DCDC2: variants seen among roughly 807,000 people sequenced by gnomAD.
DCDC2 encodes the protein doublecortin domain-containing protein 2.
DCDC2 carries 40 observed loss-of-function variants against 50.2 expected under a neutral mutation model. The observed-to-expected ratio is 0.80, with a 90% confidence interval of 0.62 to 1.04. The LOEUF (loss-of-function observed/expected upper bound fraction) is 1.04. Ranked by LOEUF, DCDC2 falls within the 50% of genes least tolerant of loss-of-function variation. DCDC2 has a pLI of 0.00. For missense variants in DCDC2, 570 were observed against 581.9 expected, an observed-to-expected ratio of 0.98 and a Z score of 0.21; for synonymous variants, 234 against 210.6, an observed-to-expected ratio of 1.11 and a Z score of -0.96.
intron 7 of DCDC2, among the ~76,000 whole-genome samples, chr6:24,229,701 C>CACTT (rs1327127944): frequency 1.3e-5 from 2 of 152,146 alleles, no homozygotes; most frequent in African/African-American, 4.8e-5. Context: ...TTTAAAAATC[C>CACTT]TCAACACTTA....
chr6:24,261,588 G>C (rs2113806535), intron 7 of DCDC2, among the ~76,000 whole-genome samples: 1 of 152,146 alleles, frequency 6.6e-6, no homozygotes, highest in South Asian at 2.1e-4. Flanking sequence ...GTGTTTCATG[G>C]GCTCTGAGAG....
At chr6:24,269,638 A>C (rs1763195767) in intron 7 of DCDC2, among the ~76,000 whole-genome samples, 1 of 152,166 alleles carries the variant, frequency 6.6e-6, no homozygotes, top group Admixed American at 6.5e-5. Context: ...TAAGTCTAGA[A>C]AGTCATGAAA....
chr6:24,344,354 C>T (rs1445392590), intron 2 of DCDC2, among the ~76,000 whole-genome samples: 4 of 152,148 alleles, frequency 2.6e-5, no homozygotes, highest in Admixed American at 2.6e-4. Flanking sequence ...TATTACTTTT[C>T]CTATTTTTTT....
At chr6:24,194,087 G>A (rs1761370240) in intron 8 of DCDC2, among the ~76,000 whole-genome samples, 1 of 152,054 alleles carries the variant, frequency 6.6e-6, no homozygotes. Context: ...TATTAAAATG[G>A]GAGAGGGGAT....
At chr6:24,383,136 G>A in the DCDC2 span, among the ~76,000 whole-genome samples, 1 of 152,144 alleles carries the variant, frequency 6.6e-6, no homozygotes, top group South Asian at 2.1e-4. Context: ...AGACCAGCCT[G>A]ACCAACATGG....
Position 24,301,970 on chromosome 6 carries a change from G to A in DCDC2, c.423C>T (p.Ile141=). ...FRKPLQEPCT[I]FLIANGDLIN... Reference sequence around the variant, plus strand: ...AAGTATAAAGGGTTTCAACTTACAAGATAGTGCACGGCTCCTGAAGCGGTT... The same window carrying A: ...AAGTATAAAGGGTTTCAACTTACAAAATAGTGCACGGCTCCTGAAGCGGTT... Residue 141 remains isoleucine, a splice_region_variant and synonymous_variant, in exon 3 of 10, where the codon ATC becomes ATT. Transcript: ENST00000378454. 1 of 1,613,882 alleles carries A rather than the reference G, an allele frequency of 6.2e-7. No homozygotes were observed. The highest frequency in any genetic ancestry group is 8.5e-7 in the Non-Finnish European group (1 of 1,179,926).
chr6:24,330,517 C>G (rs1186187871), intron 2 of DCDC2, among the ~76,000 whole-genome samples: 1 of 152,178 alleles, frequency 6.6e-6, no homozygotes, highest in Non-Finnish European at 1.5e-5. Context: ...CTAAAACTAT[C>G]AGAAAACCTT....
chr6:24,239,045 T>C (rs1561902566), intron 7 of DCDC2, among the ~76,000 whole-genome samples: 2 of 152,240 alleles, frequency 1.3e-5, no homozygotes, highest in Admixed American at 1.3e-4. Context: ...TAGGTTGCCA[T>C]ACTTCCCAAA....
chr6:24,322,330 C>T (rs1759787161), intron 2 of DCDC2, among the ~76,000 whole-genome samples: 1 of 152,000 alleles, frequency 6.6e-6, no homozygotes, highest in Non-Finnish European at 1.5e-5. Context: ...CCTTGCATAT[C>T]GTGACTTACT....
At chr6:24,207,731 A>G (rs1761754116) in intron 7 of DCDC2, among the ~76,000 whole-genome samples, 1 of 152,106 alleles carries the variant, frequency 6.6e-6, no homozygotes, top group African/African-American at 2.4e-5. Context: ...GTCCTCAGTT[A>G]ATATTTATTA....
chr6:24,379,892 G>A, the DCDC2 span, among the ~76,000 whole-genome samples: 2 of 152,058 alleles, frequency 1.3e-5, no homozygotes, highest in African/African-American at 4.8e-5. Flanking sequence ...CCTTTGCAGA[G>A]ACATGGATAA....
chr6:24,357,374 G>C (rs1760491281), intron 1 of DCDC2, 84 bp downstream of exon 1: 3 of 1,447,050 alleles, frequency 2.1e-6, no homozygotes, highest in Admixed American at 2.3e-5. Flanking sequence ...CTGAGGTGTG[G>C]GGGGGTAGGG....
chr6:24,241,452 T>C (rs1431932178), intron 7 of DCDC2, among the ~76,000 whole-genome samples: 1 of 152,206 alleles, frequency 6.6e-6, no homozygotes, highest in Non-Finnish European at 1.5e-5. Flanking sequence ...CTAGTATTGT[T>C]ACAGGAAGGT....
intron 2 of DCDC2, among the ~76,000 whole-genome samples, chr6:24,339,738 C>G (rs1239911634): frequency 6.6e-6 from 1 of 152,072 alleles, no homozygotes; most frequent in African/African-American, 2.4e-5. Context: ...TTACATGGTG[C>G]CTGGGACACA....
chr6:24,203,480 T>C (rs1382374809), intron 8 of DCDC2, among the ~76,000 whole-genome samples: 1 of 152,052 alleles, frequency 6.6e-6, no homozygotes, highest in African/African-American at 2.4e-5. Flanking sequence ...TATAGAAAAA[T>C]TAACTTAAGA....
chr6:24,348,884 T>C (rs1413482166), intron 2 of DCDC2, among the ~76,000 whole-genome samples: 1 of 152,134 alleles, frequency 6.6e-6, no homozygotes, highest in Non-Finnish European at 1.5e-5. Context: ...GAAGTATCCA[T>C]TTTATGCCTA....
chr6:24,173,022 AG>A lies in DCDC2; in HGVS notation c.*1707del, dbSNP rs1760819048. On this transcript the variant is annotated 3_prime_UTR_variant, in exon 10 of 10. Coordinates refer to ENST00000378454, the MANE Select transcript of DCDC2 (RefSeq NM_016356.5). ...ATAATAATAATAATAATAATAATAA[AG>A]ATCAATTGGTCTATTTGCCTACCAA... 1 of 116,664 alleles carries A rather than the reference AG, an allele frequency of 8.6e-6. No homozygotes were observed. The highest frequency in any genetic ancestry group is 2.9e-5 in the African/African-American group (1 of 34,198). The allele number at this position is 116,664 out of a possible 1,614,324, so 7.2% of individuals were successfully genotyped here.
intron 1 of DCDC2, among the ~76,000 whole-genome samples, chr6:24,354,750 G>A (rs1225697118): frequency 1.3e-5 from 2 of 152,084 alleles, no homozygotes; most frequent in African/African-American, 4.8e-5. Context: ...GAAAGTTTTG[G>A]GGGAAATACT....
At chr6:24,304,685 A>G (rs1249729461) in intron 2 of DCDC2, among the ~76,000 whole-genome samples, 1 of 152,194 alleles carries the variant, frequency 6.6e-6, no homozygotes, top group Non-Finnish European at 1.5e-5. Flanking sequence ...CATAGCACAT[A>G]CATACAATTT....
Sources: allele counts gnomAD v4.1 joint callset (sites outside exome capture counted in the v4.1 genomes callset), GRCh38; gene constraint gnomAD v4.1.1; transcripts MANE v1.5; gene names NCBI Gene and HGNC (gene_info 2026-07-23, HGNC 2026-07-21).